LRCOL1: variants seen among roughly 807,000 people sequenced by gnomAD.
The protein encoded by LRCOL1 is leucine rich colipase like 1, also known as leucine-rich colipase-like protein 1.
LRCOL1 carries 21 observed loss-of-function variants against 21.6 expected under a neutral mutation model. The ratio of observed to expected loss-of-function variants is 0.97; its 90% CI spans 0.69 to 1.40. LRCOL1 has a LOEUF of 1.40. LRCOL1 is among the 40% of genes most tolerant of loss of function. The pLI is 0.00. For synonymous variants in LRCOL1, 98 were observed against 90.1 expected (o/e 1.09, Z -0.49); for missense variants, 198 against 202.3 (o/e 0.98, Z 0.13).
intron 5 of LRCOL1, chr12:132,603,707 G>T: frequency 1.0e-6 from 1 of 985,424 alleles, no homozygotes; most frequent in Non-Finnish European, 1.2e-6. Context: ...ACCCCAGACG[G>T]GAGCTCTGGG....
chr12:132,603,471 A>T (rs1381976406), intron 5 of LRCOL1, 67 bp from the exon 6 acceptor site: 5 of 1,535,654 alleles, frequency 3.3e-6, no homozygotes, highest in Non-Finnish European at 4.4e-6. Flanking sequence ...CGGAAGGAGG[A>T]CGGGAACCCG....
At chr12:132,607,813 CTCTG>C (rs1166176410) in intron 1 of LRCOL1, among the ~76,000 whole-genome samples, 1 of 150,418 alleles carries the variant, frequency 6.6e-6, no homozygotes, top group Non-Finnish European at 1.5e-5. Flanking sequence ...GTCTCCCTCT[CTCTG>C]TCTCTTTCTG....
Position 132,604,793 on chromosome 12 carries a change from C to G in LRCOL1, c.144G>C (p.Gln48His). Residue 48 changes from glutamine (Q) to histidine (H), a missense_variant, in exon 3 of 6, where the codon CAG becomes CAC. By Grantham distance (24) the Gln-to-His change is conservative. Transcript: ENST00000376608. ...GGCTGTTGATGGTACAGCAGTTGCTCTGGCACTCCTCGTGTCTCCTGCATG... is the reference window on the plus strand; with the variant it reads ...GGCTGTTGATGGTACAGCAGTTGCTGTGGCACTCCTCGTGTCTCCTGCATG... ...GEPCRRHEECQSNCCTINSLA... is the reference protein window; with the variant it reads ...GEPCRRHEECHSNCCTINSLA... 1 of 1,536,138 alleles carries G rather than the reference C, an allele frequency of 6.5e-7. No homozygotes were observed. Among genetic ancestry groups the G allele is most frequent in the Non-Finnish European group, 8.7e-7 (1 of 1,146,874 alleles).
At chr12:132,605,232 C>T in intron 2 of LRCOL1, 1 of 685,596 alleles carries the variant, frequency 1.5e-6, no homozygotes, top group Non-Finnish European at 1.8e-6. Flanking sequence ...CCCCCCTGCA[C>T]CACGGCTTGT....
At chr12:132,603,496 C>A in intron 5 of LRCOL1, 92 bp from the exon 6 acceptor site, 1 of 1,534,866 alleles carries the variant, frequency 6.5e-7, no homozygotes, top group Non-Finnish European at 8.7e-7. Context: ...CACAGCATCT[C>A]CCGGCACCAG....
chr12:132,603,333 G>A lies in LRCOL1; in HGVS notation c.*69C>T, dbSNP rs143457791. Reference sequence around the variant, plus strand: ...GAAGCTTCCGCTGGAACCAGCCCCCGCGCAACGCGGTCCTGCGTGAACATC... The same window carrying A: ...GAAGCTTCCGCTGGAACCAGCCCCCACGCAACGCGGTCCTGCGTGAACATC... On this transcript the variant is annotated 3_prime_UTR_variant, in exon 6 of 6. Transcript: ENST00000376608. 79 of 1,532,298 alleles carry A rather than the reference G, an allele frequency of 5.2e-5. No individual in the cohort carries two copies. Among genetic ancestry groups the A allele is most frequent in the East Asian group, 7.3e-5 (3 of 40,836 alleles). 94.9% of individuals were successfully genotyped at this position (1,532,298 alleles called of 1,614,324 possible). A position where few individuals can be genotyped will look rare whatever the true frequency, so the allele number is the denominator to read the frequency against.
At chr12:132,604,192 G>A in intron 5 of LRCOL1, 62 bp downstream of exon 5, 1 of 1,484,366 alleles carries the variant, frequency 6.7e-7, no homozygotes. Flanking sequence ...CTGTGTTTCT[G>A]TGCGACTTCC....
At chr12:132,603,919 C>CTGTT in intron 5 of LRCOL1, 1 of 1,217,606 alleles carries the variant, frequency 8.2e-7, no homozygotes, top group South Asian at 2.3e-5. Context: ...GCTGGTGAGG[C>CTGTT]TGTTCCCTCT....
In LRCOL1 at chr12:132,604,560, C is replaced by T. The variant is rs867783050; in HGVS notation, c.256G>A (p.Asp86Asn). The T allele has an allele frequency of 1.0e-4, 156 of 1,535,846 alleles. 1 individual carries two copies. The highest frequency in any genetic ancestry group is 1.2e-4 in the Non-Finnish European group (143 of 1,146,810). ...RKPNGYRCSHDSECQSSCCVR... is the reference protein window; with the variant it reads ...RKPNGYRCSHNSECQSSCCVR... ...CAGCAGCTGCTCTGGCACTCTGAGT[C>T]GTGCGAGCATCTGTACCCATTGGGC... Residue 86 changes from aspartate (D) to asparagine (N), a missense_variant, in exon 4 of 6, where the codon GAC (aspartate) becomes AAC (asparagine). Transcript: ENST00000376608.
At chr12:132,608,674 C>T (rs2041341881) in intron 1 of LRCOL1, among the ~76,000 whole-genome samples, 1 of 152,212 alleles carries the variant, frequency 6.6e-6, no homozygotes, top group Non-Finnish European at 1.5e-5. Flanking sequence ...TCAGGTGATC[C>T]TCCCAGCTCA....
intron 1 of LRCOL1, among the ~76,000 whole-genome samples, chr12:132,607,936 CCT>C (rs755436219): frequency 8.2e-5 from 11 of 134,006 alleles, no homozygotes; most frequent in East Asian, 4.7e-4. Flanking sequence ...TCTGTCTCTC[CCT>C]CTCTTTCTCT....
intron 1 of LRCOL1, among the ~76,000 whole-genome samples, chr12:132,609,027 G>A (rs2323974): frequency 0.21 from 31,737 of 151,978 alleles, 3,830 homozygotes; most frequent in African/African-American, 0.33. Context: ...CGTTTTTCAC[G>A]ACGGCCAGAG....
At position 132,604,465 on chromosome 12, in the gene LRCOL1, G is replaced by A. The variant is rs554492986; in HGVS notation, c.351C>T (p.Arg117=). ...GCCCCGGGTGCCCGCAGCTCACCTT[G>A]CGCCAGGGCACACACTGCAGGAAGA... ...QSVFLQCVPW[R]KPNGDFCSSH... Residue 117 remains arginine, a synonymous_variant, in exon 4 of 6, where the codon CGC becomes CGT. Transcript: ENST00000376608. 29 of 1,535,222 alleles carry A rather than the reference G, an allele frequency of 1.9e-5. No homozygotes were observed. The highest frequency in any genetic ancestry group is 2.4e-5 in the Non-Finnish European group (27 of 1,146,184).
intron 1 of LRCOL1, among the ~76,000 whole-genome samples, chr12:132,607,502 C>G (rs1486738742): frequency 6.6e-6 from 1 of 152,250 alleles, no homozygotes; most frequent in Admixed American, 6.5e-5. Flanking sequence ...TGGCCTCCCC[C>G]TCGGCTCCCT....
Position 132,604,812 on chromosome 12 carries a change from C to T in LRCOL1, c.125G>A (p.Arg42Lys), listed in dbSNP as rs1047402282. 1.3e-6 allele frequency: 2 copies of T among 1,536,008 alleles called. No individual in the cohort carries two copies. Among genetic ancestry groups the T allele is most frequent in the South Asian group, 1.2e-5 (1 of 84,060 alleles). Residue 42 changes from arginine (R) to lysine (K), a missense_variant, in exon 3 of 6, where the codon AGG becomes AAG. Physicochemically the swap from Arg to Lys is conservative, Grantham distance 26. Coordinates refer to ENST00000376608, the MANE Select transcript of LRCOL1 (RefSeq NM_001195520.2). ...LSHKGIGEPC[R>K]RHEECQSNCC... Reference sequence around the variant, plus strand: ...GTTGCTCTGGCACTCCTCGTGTCTCCTGCATGGCTCCCCGATGCCCTGAAA... The same window carrying T: ...GTTGCTCTGGCACTCCTCGTGTCTCTTGCATGGCTCCCCGATGCCCTGAAA...
chr12:132,603,703 G>T, intron 5 of LRCOL1: 2 of 985,474 alleles, frequency 2.0e-6, no homozygotes, highest in Non-Finnish European at 2.4e-6. Flanking sequence ...TTTCACCCCA[G>T]ACGGGAGCTC....
At chr12:132,605,891 G>A in intron 2 of LRCOL1, 1 of 520,432 alleles carries the variant, frequency 1.9e-6, no homozygotes, top group Admixed American at 3.5e-5. Flanking sequence ...TGGCCCCAGG[G>A]CTGCTCCTGG....
intron 1 of LRCOL1, among the ~76,000 whole-genome samples, chr12:132,607,815 CTG>C (rs1373785911): frequency 2.0e-5 from 3 of 149,970 alleles, no homozygotes; most frequent in East Asian, 3.9e-4. Context: ...CTCCCTCTCT[CTG>C]TCTCTTTCTG....
chr12:132,610,268 C>T (rs1748732592), intron 1 of LRCOL1, 55 bp downstream of exon 1: 2 of 152,400 alleles, frequency 1.3e-5, no homozygotes, highest in African/African-American at 4.8e-5. Flanking sequence ...TTGGGCCTCC[C>T]TTGCTGAAAA....
Sources: allele counts gnomAD v4.1 joint callset (sites outside exome capture counted in the v4.1 genomes callset), GRCh38; gene constraint gnomAD v4.1.1; transcripts MANE v1.5; gene names NCBI Gene and HGNC (gene_info 2026-07-23, HGNC 2026-07-21).